PUM2: variants seen among roughly 807,000 people sequenced by gnomAD.
PUM2 encodes pumilio RNA binding family member 2, also known as pumilio homolog 2.
A neutral mutation model predicts 124.5 loss-of-function variants in PUM2; 57 were observed. That is an observed-to-expected ratio of 0.46 (90% CI 0.37 to 0.57). PUM2 has a LOEUF of 0.57. Among genes scored for constraint, PUM2 ranks in the 20% least tolerant of loss-of-function variants. The probability of loss-of-function intolerance (pLI) is 0.00; values close to 1 mark genes in which losing one functional copy is unlikely to be tolerated. For synonymous variants in PUM2, 460 were observed against 446.1 expected, an observed-to-expected ratio of 1.03 and a Z score of -0.39; for missense variants, 1,065 against 1,290.6, an observed-to-expected ratio of 0.83 and a Z score of 2.68.
At chr2:20,277,275 G>C (rs1670480460) in intron 13 of PUM2, among the ~76,000 whole-genome samples, 3 of 152,156 alleles carry the variant, frequency 2.0e-5, no homozygotes, top group Admixed American at 2.0e-4. Flanking sequence ...CTTATGAAGG[G>C]AGGATGCCTG....
chr2:20,251,820 A>T lies in PUM2; in HGVS notation c.3064-104T>A, dbSNP rs1366278323. 9 of 1,327,004 alleles carry T rather than the reference A, an allele frequency of 6.8e-6. No individual in the cohort carries two copies. The African/African-American group carries it at 1.0e-4, about 15-fold the overall frequency. 82.2% of individuals were successfully genotyped at this position (1,327,004 alleles called of 1,614,324 possible). A position where few individuals can be genotyped will look rare whatever the true frequency, so the allele number is the denominator to read the frequency against. On this transcript the variant is annotated intron_variant, in intron 20 of 20. Transcript: ENST00000361078. ...GTAATTTAGAGGAATAACTGCAATT[A>T]AAAAAAATTTAAATCCAAAGAAAGC...
chr2:20,280,396 A>G (rs558403185), intron 12 of PUM2, among the ~76,000 whole-genome samples: 1 of 152,264 alleles, frequency 6.6e-6, no homozygotes, highest in East Asian at 1.9e-4. Context: ...GTTATTCTTG[A>G]GTTGGTTTTG....
At chr2:20,318,758 A>T in intron 2 of PUM2, 113 bp from the exon 3 acceptor site, 1 of 631,904 alleles carries the variant, frequency 1.6e-6, no homozygotes, top group Non-Finnish European at 2.6e-6. Flanking sequence ...TGCTAATGAA[A>T]ATTCAGAGTG....
chr2:20,278,848 T>C, intron 12 of PUM2, 29 bp from the exon 13 acceptor site: 1 of 1,536,134 alleles, frequency 6.5e-7, no homozygotes, highest in African/African-American at 1.4e-5. Context: ...AAACCCTAAT[T>C]ACATACAGTG....
Position 20,308,438 on chromosome 2 carries a change from T to C in PUM2, c.665A>G (p.Gln222Arg). 6.2e-7 allele frequency: 1 copy of C among 1,614,138 alleles called. No homozygotes were observed. The highest frequency in any genetic ancestry group is 8.5e-7 in the Non-Finnish European group (1 of 1,179,992). Residue 222 changes from glutamine to arginine, a missense_variant, in exon 6 of 21, where the codon CAG (glutamine) becomes CGG (arginine). By Grantham distance (43) the Gln-to-Arg change is conservative (BLOSUM62 1). Around this residue, in one of 3 missense-constraint regions of PUM2, gnomAD observed 968 missense variants for 1,159.8 expected, o/e 0.83. Transcript: ENST00000361078. ...AACTTGTTCCATGGCATCCAGATTC[T>C]GAGTTTCAGGATTTGAAAATTCTTC... is the stretch of plus-strand genomic sequence containing the variant. Reference protein sequence around the residue: ...LVEEFSNPETQNLDAMEQVGL... With the variant: ...LVEEFSNPETRNLDAMEQVGL...
rs574661875 is a variant in PUM2 at position 20,290,397 on chromosome 2, T to C, written c.1291+255A>G. On this transcript the variant is annotated intron_variant, in intron 10 of 20. Transcript: ENST00000361078. The stretch of plus-strand genomic sequence containing the variant: ...AAATTCTGGGTTAGGATTAGATAGA[T>C]GCTATAAAAAAATGGCTGTGTTGAG... Among the ~76,000 whole-genome samples the C allele has an allele frequency of 1.4e-4, 22 of 151,918 alleles. No homozygotes were observed. In the South Asian group the frequency reaches 3.3e-3, roughly 23 times the overall value.
At chr2:20,289,835 T>C (rs62123450) in intron 10 of PUM2, among the ~76,000 whole-genome samples, 5,263 of 152,324 alleles carry the variant, frequency 0.035, 89 homozygotes, top group Middle Eastern at 0.069. Flanking sequence ...AACTGCATTA[T>C]GATTAAATGG....
At position 20,250,805 on chromosome 2, in the gene PUM2, T is replaced by A. The variant is rs1663121943; in HGVS notation, c.*780A>T. On this transcript the variant is annotated 3_prime_UTR_variant, in exon 21 of 21. Transcript: ENST00000361078. ...ATTGCAAACCAAACTGAAAAGTTAA[T>A]AAGTGACTTAACTTTTCATTTAGTG... is the stretch of plus-strand genomic sequence containing the variant. 1 of 152,628 alleles carries A rather than the reference T, an allele frequency of 6.6e-6. No individual in the cohort carries two copies. The highest frequency in any genetic ancestry group is 1.5e-5 in the Non-Finnish European group (1 of 67,996). The allele number at this position is 152,628 out of a possible 1,614,324, so 9.5% of individuals were successfully genotyped here. A position where few individuals can be genotyped will look rare whatever the true frequency, so the allele number is the denominator to read the frequency against.
At chr2:20,275,724 G>A (rs1670081557) in intron 13 of PUM2, among the ~76,000 whole-genome samples, 1 of 151,922 alleles carries the variant, frequency 6.6e-6, no homozygotes, top group Non-Finnish European at 1.5e-5. Flanking sequence ...CAGTTTACAG[G>A]AAAGAGACAT....
chr2:20,350,649 C>T lies in PUM2; in HGVS notation c.-71G>A. The T allele has an allele frequency of 2.0e-6, 2 of 985,502 alleles. No individual in the cohort carries two copies. The highest frequency in any genetic ancestry group is 2.4e-6 in the Non-Finnish European group (2 of 830,022). 61.0% of individuals were successfully genotyped at this position (985,502 alleles called of 1,614,324 possible). On this transcript the variant is annotated 5_prime_UTR_variant, in exon 1 of 21. The change creates a new upstream start codon in the 5' untranslated region. Transcript: ENST00000361078. ...CCGGGGACACCGACCGTTGGGCACA[C>T]GGCGGCGTCGCTCTTGGCGGTCCTC... is the stretch of plus-strand genomic sequence containing the variant.
At chr2:20,322,856 CAT>C (rs1281276721) in intron 2 of PUM2, among the ~76,000 whole-genome samples, 25 of 152,218 alleles carry the variant, frequency 1.6e-4, no homozygotes, top group African/African-American at 5.5e-4. Flanking sequence ...ACAAATGAAA[CAT>C]AGAGAACAAA....
intron 7 of PUM2, among the ~76,000 whole-genome samples, chr2:20,301,690 C>T (rs567499154): frequency 4.6e-5 from 7 of 152,190 alleles, no homozygotes; most frequent in African/African-American, 1.2e-4. Flanking sequence ...CAGGCTCAAG[C>T]GATCCTCCCA....
chr2:20,318,405 C>T, intron 3 of PUM2, 132 bp downstream of exon 3: 1 of 707,746 alleles, frequency 1.4e-6, no homozygotes, highest in Non-Finnish European at 2.3e-6. Flanking sequence ...TATTTGAGAC[C>T]AGCCTGGGCA....
At chr2:20,255,617 A>G (rs1194928233) in intron 17 of PUM2, among the ~76,000 whole-genome samples, 1 of 152,194 alleles carries the variant, frequency 6.6e-6, no homozygotes, top group African/African-American at 2.4e-5. Flanking sequence ...ATGGGAATGA[A>G]TGGGTGAAAA....
At chr2:20,318,207 A>G (rs150818335) in intron 3 of PUM2, among the ~76,000 whole-genome samples, 84 of 152,268 alleles carry the variant, frequency 5.5e-4, no homozygotes, top group African/African-American at 1.7e-3. Flanking sequence ...TTATTTTTTA[A>G]TAATAGCCAC....
chr2:20,272,769 G>C (rs1191591220), intron 13 of PUM2, among the ~76,000 whole-genome samples: 1 of 152,128 alleles, frequency 6.6e-6, no homozygotes, highest in African/African-American at 2.4e-5. Flanking sequence ...ATAATAGGGA[G>C]TCTTTCAACC....
intron 1 of PUM2, among the ~76,000 whole-genome samples, chr2:20,337,191 G>C (rs367652660): frequency 6.6e-6 from 1 of 152,036 alleles, no homozygotes; most frequent in Non-Finnish European, 1.5e-5. Flanking sequence ...GTGTAAGCCT[G>C]CTTCTCACAA....
At chr2:20,297,763 T>G in intron 7 of PUM2, 85 bp from the exon 8 acceptor site, 18 of 1,257,464 alleles carry the variant, frequency 1.4e-5, no homozygotes, top group East Asian at 5.4e-5. Flanking sequence ...ACTCTGAATC[T>G]GGGGTGGTGT....
chr2:20,258,017 T>C (rs779081688), intron 16 of PUM2, among the ~76,000 whole-genome samples: 34 of 152,196 alleles, frequency 2.2e-4, no homozygotes, highest in Non-Finnish European at 4.3e-4. Flanking sequence ...ACTCATCATT[T>C]AACATTCTGC....
Sources: gnomAD v4.1 joint callset for allele counts (sites outside exome capture counted in the v4.1 genomes callset) on GRCh38, gnomAD v4.1.1 for gene constraint, gnomAD v4.1.1 regional missense constraint, MANE v1.5 for transcripts, NCBI Gene and HGNC (gene_info 2026-07-23, HGNC 2026-07-21) for gene names.